RBFOX1: variants seen among roughly 807,000 people sequenced by gnomAD.
The protein encoded by RBFOX1 is RNA binding protein fox-1 homolog 1.
RBFOX1 carries 8 observed loss-of-function variants against 57.7 expected under a neutral mutation model. The observed-to-expected ratio is 0.14, with a 90% CI of 0.08 to 0.25. RBFOX1 has a LOEUF of 0.25. Among genes scored for constraint, RBFOX1 ranks in the 10% least tolerant of loss-of-function variants. The probability of loss-of-function intolerance (pLI) is 1.00; values close to 1 mark genes in which losing one functional copy is unlikely to be tolerated. For synonymous variants in RBFOX1, 326 were observed against 222.4 expected (o/e 1.47, Z -4.15); for missense variants, 611 against 548.5 (o/e 1.11, Z -1.14).
intron 2 of RBFOX1, among the ~76,000 whole-genome samples, chr16:6,621,182 C>A (rs1362970764): frequency 1.3e-5 from 2 of 152,180 alleles, no homozygotes; most frequent in Admixed American, 1.3e-4. Flanking sequence ...ACTAGTCAGG[C>A]CGGGCGCGGT....
At chr16:7,154,157 T>C (rs773936187) in intron 4 of RBFOX1, among the ~76,000 whole-genome samples, 5 of 152,182 alleles carry the variant, frequency 3.3e-5, no homozygotes, top group Non-Finnish European at 7.3e-5. Flanking sequence ...CCAAAAGTTA[T>C]TTGTTGAGCA....
At chr16:5,474,084 A>C (rs1208910763) in intron 2 of RBFOX1, among the ~76,000 whole-genome samples, 1 of 152,120 alleles carries the variant, frequency 6.6e-6, no homozygotes, top group Non-Finnish European at 1.5e-5. Context: ...ACAAGTGGGC[A>C]AGTCTGGCTG....
intron 4 of RBFOX1, among the ~76,000 whole-genome samples, chr16:7,202,207 A>G (rs1174517341): frequency 1.3e-5 from 2 of 152,178 alleles, no homozygotes; most frequent in Non-Finnish European, 2.9e-5. Context: ...AAGCACATGA[A>G]AAAAGATGCT....
At chr16:6,779,244 G>A (rs28601848) in intron 3 of RBFOX1, among the ~76,000 whole-genome samples, 84 of 151,862 alleles carry the variant, frequency 5.5e-4, no homozygotes, top group African/African-American at 1.8e-3. Flanking sequence ...TTTAGCTCCC[G>A]CATTTGTATG....
intron 3 of RBFOX1, among the ~76,000 whole-genome samples, chr16:5,761,569 G>T (rs926360374): frequency 3.9e-5 from 6 of 152,172 alleles, no homozygotes; most frequent in Admixed American, 3.3e-4. Flanking sequence ...AGGAGAGCTT[G>T]TGTAGGGGAA....
At position 5,947,469 on chromosome 16, in the gene RBFOX1, G is replaced by A. The variant is rs957975815; in HGVS notation, c.351+80134G>A. On this transcript the variant is annotated intron_variant, in intron 4 of 19. Transcript: ENST00000641259. The surrounding 1 kb of genome is among the most constrained non-coding windows in gnomAD (Gnocchi z 7.2). ...TACAGCCTCGAAATCTTGTGCTCAA[G>A]CCATTTTCCTGCCTCTGCCAGTTTT... 6.6e-5 allele frequency among the ~76,000 whole-genome samples: 10 copies of A among 152,128 alleles called. No individual in the cohort carries two copies. The highest frequency in any genetic ancestry group is 1.3e-4 in the Admixed American group (2 of 15,272).
chr16:5,348,194 C>T (rs530849862), intron 1 of RBFOX1, among the ~76,000 whole-genome samples: 2 of 151,640 alleles, frequency 1.3e-5, no homozygotes, highest in African/African-American at 4.9e-5. Flanking sequence ...ATCTACTCTT[C>T]CACCCGCCCA....
At chr16:6,329,162 A>T (rs567792258) in intron 2 of RBFOX1, among the ~76,000 whole-genome samples, 2 of 152,272 alleles carry the variant, frequency 1.3e-5, no homozygotes, top group African/African-American at 4.8e-5. Context: ...CTGAATTCCT[A>T]CCTGACTCCA....
chr16:5,883,520 C>T (rs1567667094), intron 4 of RBFOX1, among the ~76,000 whole-genome samples: 1 of 103,520 alleles, frequency 9.7e-6, no homozygotes, highest in Non-Finnish European at 1.9e-5. Flanking sequence ...ATACGGGTGG[C>T]AAACCCACAG....
intron 4 of RBFOX1, among the ~76,000 whole-genome samples, chr16:7,084,411 C>A (rs181376146): frequency 1.3e-5 from 2 of 151,962 alleles, no homozygotes; most frequent in African/African-American, 4.8e-5. Context: ...ATGTACACCT[C>A]GAAGAGGAAA....
At chr16:6,844,414 T>G (rs1200869550) in intron 3 of RBFOX1, among the ~76,000 whole-genome samples, 1 of 152,200 alleles carries the variant, frequency 6.6e-6, no homozygotes. Context: ...TTCTCATCAT[T>G]CACCTACTAC....
intron 2 of RBFOX1, among the ~76,000 whole-genome samples, chr16:5,590,573 T>C (rs763524207): frequency 6.6e-6 from 1 of 151,980 alleles, no homozygotes; most frequent in East Asian, 1.9e-4. Flanking sequence ...ATTCGGGGCG[T>C]GATGGAGGAA....
chr16:7,038,751 C>T (rs773883488), intron 3 of RBFOX1, among the ~76,000 whole-genome samples: 2 of 152,136 alleles, frequency 1.3e-5, no homozygotes, highest in African/African-American at 2.4e-5. Flanking sequence ...CCATGTCTTG[C>T]TCAATGTTTG....
chr16:5,263,726 G>A (rs1316930976), intron 1 of RBFOX1, among the ~76,000 whole-genome samples: 1 of 152,172 alleles, frequency 6.6e-6, no homozygotes, highest in African/African-American at 2.4e-5. Flanking sequence ...AGATGGAAGT[G>A]ATTTGGGAGA....
intron 4 of RBFOX1, among the ~76,000 whole-genome samples, chr16:7,511,982 C>A (rs1039101886): frequency 2.0e-5 from 3 of 152,192 alleles, no homozygotes; most frequent in African/African-American, 4.8e-5. Flanking sequence ...GCTCCTGAAG[C>A]ATTTGCTTGA....
At chr16:7,488,137 T>A (rs1406698008) in intron 4 of RBFOX1, among the ~76,000 whole-genome samples, 2 of 152,116 alleles carry the variant, frequency 1.3e-5, no homozygotes, top group Non-Finnish European at 2.9e-5. Flanking sequence ...CGTGCTAGTG[T>A]GTCCCTGCGT....
At chr16:7,629,204 G>A (rs1235499506) in intron 10 of RBFOX1, among the ~76,000 whole-genome samples, 1 of 152,146 alleles carries the variant, frequency 6.6e-6, no homozygotes, top group African/African-American at 2.4e-5. Flanking sequence ...ACCGGTAACA[G>A]GGGAAGAGTG....
chr16:6,472,126 T>G (rs561476586), intron 2 of RBFOX1, among the ~76,000 whole-genome samples: 1 of 152,322 alleles, frequency 6.6e-6, no homozygotes, highest in East Asian at 1.9e-4. Context: ...GCCTAGCCCT[T>G]GAGCTTAACC....
At chr16:5,637,173 G>T (rs2048708679) in intron 3 of RBFOX1, among the ~76,000 whole-genome samples, 1 of 152,192 alleles carries the variant, frequency 6.6e-6, no homozygotes, top group Non-Finnish European at 1.5e-5. Flanking sequence ...CTGTCACGCA[G>T]GGCAGCAGCT....
Sources: allele counts gnomAD v4.1 joint callset (sites outside exome capture counted in the v4.1 genomes callset), GRCh38; gene constraint gnomAD v4.1.1; non-coding constraint Gnocchi (gnomAD v3.1); transcripts MANE v1.5; gene names NCBI Gene and HGNC (gene_info 2026-07-23, HGNC 2026-07-21).